The following FARP1 variants were observed in gnomAD, a reference collection of about 807,000 sequenced individuals.
The protein encoded by FARP1 is FERM, ARHGEF and pleckstrin domain-containing protein 1.
In FARP1, 52 loss-of-function variants were observed where a neutral mutation model predicts 128.8. The observed-to-expected ratio is 0.40, with a 90% CI of 0.32 to 0.51. The LOEUF (loss-of-function observed/expected upper bound fraction) is 0.51. Ranked by LOEUF, FARP1 falls within the 20% of genes least tolerant of loss-of-function variation. FARP1 has a pLI of 0.45. For synonymous variants in FARP1, 580 were observed against 551.8 expected, an observed-to-expected ratio of 1.05 and a Z score of -0.72; for missense variants, 1,333 against 1,367.9, an observed-to-expected ratio of 0.97 and a Z score of 0.40.
At chr13:98,426,209 C>T (rs1330047963) in intron 17 of FARP1, among the ~76,000 whole-genome samples, 2 of 152,168 alleles carry the variant, frequency 1.3e-5, no homozygotes, top group East Asian at 1.9e-4. Context: ...GTATCTCAGC[C>T]GGGTGTGGTG....
intron 2 of FARP1, among the ~76,000 whole-genome samples, chr13:98,267,802 T>C (rs1186226613): frequency 1.6e-5 from 2 of 127,270 alleles, no homozygotes; most frequent in African/African-American, 6.9e-5. Flanking sequence ...CCTTGTCCAG[T>C]GATGTCTGAC....
intron 2 of FARP1, among the ~76,000 whole-genome samples, chr13:98,239,590 C>G (rs146741674): frequency 1.3e-5 from 2 of 152,038 alleles, no homozygotes; most frequent in Non-Finnish European, 2.9e-5. Flanking sequence ...GGCTGAGGTC[C>G]GGATTAGGCA....
intron 6 of FARP1, chr13:98,384,195 T>TGGGGG (rs750602631): frequency 6.6e-5 from 4 of 60,262 alleles, no homozygotes; most frequent in African/African-American, 9.8e-5. Context: ...TTTTTTTTTG[T>TGGGGG]AGGGGGGCGG....
At chr13:98,164,287 C>A (rs1325422792) in intron 1 of FARP1, among the ~76,000 whole-genome samples, 2 of 151,070 alleles carry the variant, frequency 1.3e-5, no homozygotes, top group Non-Finnish European at 2.9e-5. Flanking sequence ...CACCATATGG[C>A]GGGTGACGGA....
intron 2 of FARP1, among the ~76,000 whole-genome samples, chr13:98,315,432 T>G (rs1002088707): frequency 6.6e-6 from 1 of 152,074 alleles, no homozygotes; most frequent in Non-Finnish European, 1.5e-5. Context: ...GCGAAGATGG[T>G]CCATTAAACC....
chr13:98,280,584 C>G (rs1260631339), intron 2 of FARP1, among the ~76,000 whole-genome samples: 1 of 152,228 alleles, frequency 6.6e-6, no homozygotes, highest in East Asian at 1.9e-4. Flanking sequence ...GCACCCACGA[C>G]TGTGGTAAAC....
chr13:98,147,008 C>G (rs1875617313), intron 1 of FARP1, among the ~76,000 whole-genome samples: 1 of 152,152 alleles, frequency 6.6e-6, no homozygotes, highest in Non-Finnish European at 1.5e-5. Context: ...AGATCAGAGC[C>G]AAACGGTTTT....
At chr13:98,279,023 A>G (rs7322675) in intron 2 of FARP1, among the ~76,000 whole-genome samples, 10,993 of 148,110 alleles carry the variant, frequency 0.074, 879 homozygotes, top group African/African-American at 0.2. Context: ...TTTTAGTAGA[A>G]ATGGGGTTTC....
At chr13:98,380,886 A>G (rs1889867326) in intron 6 of FARP1, among the ~76,000 whole-genome samples, 1 of 152,144 alleles carries the variant, frequency 6.6e-6, no homozygotes. Flanking sequence ...ACCAATATGT[A>G]TAATTTTTAT....
intron 2 of FARP1, among the ~76,000 whole-genome samples, chr13:98,311,807 A>T (rs1406828927): frequency 3.3e-5 from 5 of 152,050 alleles, no homozygotes; most frequent in African/African-American, 1.2e-4. Flanking sequence ...CCTGCAATGT[A>T]ACTGCTGTTC....
At chr13:98,188,260 A>G (rs1297377010) in intron 1 of FARP1, among the ~76,000 whole-genome samples, 1 of 152,118 alleles carries the variant, frequency 6.6e-6, no homozygotes, top group African/African-American at 2.4e-5. Flanking sequence ...AATATTTGTT[A>G]AAGAAGTTTC....
chr13:98,361,139 T>TTC (rs1263011188), intron 3 of FARP1, among the ~76,000 whole-genome samples: 2 of 152,190 alleles, frequency 1.3e-5, no homozygotes, highest in Non-Finnish European at 2.9e-5. Flanking sequence ...GCTCATCCAT[T>TTC]TCTAATGGTT....
chr13:98,193,195 C>T (rs537599085), intron 1 of FARP1, among the ~76,000 whole-genome samples: 96 of 152,100 alleles, frequency 6.3e-4, no homozygotes, highest in Admixed American at 5.1e-3. Flanking sequence ...GTAGCTGAGA[C>T]TACAGGCTTG....
intron 24 of FARP1, among the ~76,000 whole-genome samples, chr13:98,441,719 A>G (rs1370616512): frequency 1.3e-5 from 2 of 152,118 alleles, no homozygotes; most frequent in African/African-American, 2.4e-5. Flanking sequence ...CTTTGGGGGA[A>G]GGAGGTTCTG....
At chr13:98,198,650 G>A (rs1879732432) in intron 1 of FARP1, among the ~76,000 whole-genome samples, 1 of 151,990 alleles carries the variant, frequency 6.6e-6, no homozygotes, top group Non-Finnish European at 1.5e-5. Flanking sequence ...GCTGAGGAGG[G>A]CGGATCACTT....
chr13:98,373,530 A>ACGGG (rs1566929082), intron 5 of FARP1, among the ~76,000 whole-genome samples: 2 of 113,646 alleles, frequency 1.8e-5, no homozygotes, highest in African/African-American at 7.5e-5. Flanking sequence ...AGACAGACAG[A>ACGGG]CAGACACACA....
At chr13:98,242,020 G>T (rs936039073) in intron 2 of FARP1, among the ~76,000 whole-genome samples, 13 of 152,162 alleles carry the variant, frequency 8.5e-5, no homozygotes, top group Admixed American at 8.5e-4. Context: ...CGGGAGGATC[G>T]CTTGAGCCTG....
At chr13:98,328,254 A>G (rs981736440) in intron 2 of FARP1, 3 of 152,170 alleles carry the variant, frequency 2.0e-5, no homozygotes, top group African/African-American at 7.2e-5. Context: ...GGCCTTTAGC[A>G]AGCAAGGATG....
intron 1 of FARP1, among the ~76,000 whole-genome samples, chr13:98,163,998 T>G (rs1311797770): frequency 6.6e-6 from 1 of 152,214 alleles, no homozygotes; most frequent in Non-Finnish European, 1.5e-5. Flanking sequence ...CATGAGCCAC[T>G]GCACCCGGCC....
Sources: gnomAD v4.1 joint callset for allele counts (sites outside exome capture counted in the v4.1 genomes callset) on GRCh38, gnomAD v4.1.1 for gene constraint, MANE v1.5 for transcripts, NCBI Gene and HGNC (gene_info 2026-07-23, HGNC 2026-07-21) for gene names.